The following AGBL4 variants were observed in gnomAD, a reference collection of about 807,000 sequenced individuals.
The protein encoded by AGBL4 is AGBL carboxypeptidase 4.
Under a neutral mutation model 66.4 loss-of-function variants are expected in AGBL4, and 58 were observed. That is an observed-to-expected ratio of 0.87 (90% CI 0.71 to 1.09). The LOEUF (loss-of-function observed/expected upper bound fraction) is 1.09, where lower values mean the gene tolerates loss of function less well. AGBL4 is among the 50% of genes least tolerant of loss of function. The probability of loss-of-function intolerance (pLI) is 0.00; values close to 1 mark genes in which losing one functional copy is unlikely to be tolerated. For synonymous variants in AGBL4, 234 were observed against 222.9 expected (o/e 1.05, Z -0.44); for missense variants, 579 against 631.0 (o/e 0.92, Z 0.88).
At chr1:49,255,866 T>C (rs943897682) in intron 3 of AGBL4, among the ~76,000 whole-genome samples, 3 of 152,154 alleles carry the variant, frequency 2.0e-5, no homozygotes, top group African/African-American at 4.8e-5. Context: ...TGCAGGGACA[T>C]GGATGGAGCT....
intron 2 of AGBL4, among the ~76,000 whole-genome samples, chr1:49,791,731 A>G (rs776659974): frequency 1.6e-4 from 24 of 152,236 alleles, no homozygotes; most frequent in Non-Finnish European, 2.8e-4. Context: ...TTTAAAGCTT[A>G]TCTCATGATA....
intron 3 of AGBL4, among the ~76,000 whole-genome samples, chr1:49,408,038 C>T (rs952034702): frequency 3.3e-5 from 5 of 152,262 alleles, no homozygotes; most frequent in African/African-American, 1.2e-4. Flanking sequence ...CCCATTTAGA[C>T]AACTGACTTA....
chr1:49,405,950 G>GAAA (rs1167180750), intron 3 of AGBL4, among the ~76,000 whole-genome samples: 2 of 152,190 alleles, frequency 1.3e-5, no homozygotes, highest in African/African-American at 4.8e-5. Flanking sequence ...CTCAGTTTAG[G>GAAA]AAATGCTTAT....
intron 5 of AGBL4, among the ~76,000 whole-genome samples, chr1:49,009,781 A>G (rs1276386488): frequency 6.6e-6 from 1 of 152,050 alleles, no homozygotes; most frequent in Non-Finnish European, 1.5e-5. Flanking sequence ...CAAAAACCAC[A>G]TGATTATCTC....
chr1:48,894,623 T>TA (rs917422680), intron 5 of AGBL4, among the ~76,000 whole-genome samples: 1,789 of 147,434 alleles, frequency 0.012, 31 homozygotes, highest in African/African-American at 0.041. Flanking sequence ...TAGTATATAG[T>TA]AAAAAAAAAA....
intron 1 of AGBL4, among the ~76,000 whole-genome samples, chr1:49,880,574 A>C (rs1647203459): frequency 1.3e-5 from 2 of 151,394 alleles, no homozygotes; most frequent in Admixed American, 1.3e-4. Context: ...GCTGTCAGAC[A>C]GGGACATTTA....
At chr1:49,817,315 C>T (rs1645256395) in intron 2 of AGBL4, among the ~76,000 whole-genome samples, 1 of 152,084 alleles carries the variant, frequency 6.6e-6, no homozygotes. Context: ...CAAGGAGATT[C>T]TAGATCATGC....
At chr1:48,721,068 G>A (rs1647139360) in intron 6 of AGBL4, among the ~76,000 whole-genome samples, 1 of 151,818 alleles carries the variant, frequency 6.6e-6, no homozygotes, top group Admixed American at 6.6e-5. Context: ...AGGCAGAGGA[G>A]CTGGGGGAAA....
At chr1:48,603,832 G>A (rs561489164) in intron 9 of AGBL4, among the ~76,000 whole-genome samples, 26 of 152,060 alleles carry the variant, frequency 1.7e-4, no homozygotes, top group South Asian at 1.7e-3. Context: ...AGGACTGAGC[G>A]CGGTAGCTCA....
chr1:48,546,800 A>AT (rs1644167966), intron 11 of AGBL4, among the ~76,000 whole-genome samples: 1 of 151,984 alleles, frequency 6.6e-6, no homozygotes, highest in African/African-American at 2.4e-5. Context: ...AAAAGAAGAC[A>AT]AAACCAAGAC....
At chr1:49,936,456 G>C (rs1156585831) in intron 1 of AGBL4, among the ~76,000 whole-genome samples, 1 of 152,058 alleles carries the variant, frequency 6.6e-6, no homozygotes, top group South Asian at 2.1e-4. Context: ...AGCAAGGCAG[G>C]CCAACATTCA....
At chr1:49,890,859 T>C (rs1424483279) in intron 1 of AGBL4, among the ~76,000 whole-genome samples, 2 of 152,158 alleles carry the variant, frequency 1.3e-5, no homozygotes, top group South Asian at 2.1e-4. Flanking sequence ...CCCAAAACTA[T>C]GATCAGAGTA....
In AGBL4 at chr1:49,131,158, A is replaced by G. The variant is rs1020988968; in HGVS notation, c.378-85358T>C. 3.2e-4 allele frequency among the ~76,000 whole-genome samples: 48 copies of G among 152,242 alleles called. 2 individuals carry two copies. The highest frequency in any genetic ancestry group is 1.5e-3 in the Admixed American group (23 of 15,262). ...GAAAGAATATATATTCTATATTTCCATTTATATTAAACTCAAGGAATGACA... is the reference window on the plus strand; with the variant it reads ...GAAAGAATATATATTCTATATTTCCGTTTATATTAAACTCAAGGAATGACA... On this transcript the variant is annotated intron_variant, in intron 4 of 13. Transcript: ENST00000371839.
chr1:49,586,804 T>C (rs1644656935), intron 3 of AGBL4, among the ~76,000 whole-genome samples: 1 of 152,168 alleles, frequency 6.6e-6, no homozygotes, highest in South Asian at 2.1e-4. Flanking sequence ...AACAGTTTTA[T>C]AAATTAAAAG....
At chr1:49,268,778 A>G (rs1643987668) in intron 3 of AGBL4, among the ~76,000 whole-genome samples, 1 of 152,206 alleles carries the variant, frequency 6.6e-6, no homozygotes, top group Non-Finnish European at 1.5e-5. Context: ...ATGGTGGCAC[A>G]GCCTTTTCTT....
chr1:49,313,574 G>T (rs1644980830), intron 3 of AGBL4, among the ~76,000 whole-genome samples: 2 of 152,116 alleles, frequency 1.3e-5, no homozygotes, highest in South Asian at 4.1e-4. Flanking sequence ...ATTCTAACTG[G>T]CATGAGATAG....
intron 3 of AGBL4, among the ~76,000 whole-genome samples, chr1:49,683,093 A>T (rs1391406338): frequency 6.6e-6 from 1 of 152,158 alleles, no homozygotes; most frequent in Non-Finnish European, 1.5e-5. Context: ...AGTTCACCAG[A>T]AGCATAATTT....
At chr1:49,950,078 ATATGTG>A (rs1256245799) in intron 1 of AGBL4, among the ~76,000 whole-genome samples, 117 of 141,632 alleles carry the variant, frequency 8.3e-4, no homozygotes, top group African/African-American at 2.9e-3. Context: ...ATATATACAC[ATATGTG>A]TATATATATA....
intron 6 of AGBL4, among the ~76,000 whole-genome samples, chr1:48,719,589 C>T (rs2148530260): frequency 6.6e-6 from 1 of 152,340 alleles, no homozygotes. Context: ...GGCCTCTACC[C>T]ACCTCTCCAG....
Sources: gnomAD v4.1 joint callset for allele counts (sites outside exome capture counted in the v4.1 genomes callset) on GRCh38, gnomAD v4.1.1 for gene constraint, MANE v1.5 for transcripts, NCBI Gene and HGNC (gene_info 2026-07-23, HGNC 2026-07-21) for gene names.